The following ROCK2 variants were observed in gnomAD, a reference collection of about 807,000 sequenced individuals.
ROCK2 encodes the protein rho-associated protein kinase 2.
Under a neutral mutation model 195.1 loss-of-function variants are expected in ROCK2, and 61 were observed. The observed-to-expected ratio is 0.31, with a 90% CI of 0.25 to 0.39. The LOEUF (loss-of-function observed/expected upper bound fraction) is 0.39. ROCK2 is among the 10% of genes least tolerant of loss of function. The pLI is 1.00. For missense variants in ROCK2, 1,109 were observed against 1,637.4 expected, an observed-to-expected ratio of 0.68 and a Z score of 5.57; for synonymous variants, 504 against 545.5, an observed-to-expected ratio of 0.92 and a Z score of 1.06.
chr2:11,317,597 T>TAA (rs1668248563), intron 1 of ROCK2, among the ~76,000 whole-genome samples: 1 of 16,368 alleles, frequency 6.1e-5, no homozygotes, highest in Non-Finnish European at 1.3e-4. Context: ...TATATATATA[T>TAA]ATATATATAT....
At chr2:11,240,912 C>T (rs1450842646) in intron 4 of ROCK2, among the ~76,000 whole-genome samples, 1 of 152,090 alleles carries the variant, frequency 6.6e-6, no homozygotes, top group African/African-American at 2.4e-5. Flanking sequence ...AACACAGCCA[C>T]TAGAACAACA....
At chr2:11,271,352 T>G (rs1408881696) in intron 3 of ROCK2, among the ~76,000 whole-genome samples, 2 of 152,188 alleles carry the variant, frequency 1.3e-5, no homozygotes, top group Non-Finnish European at 2.9e-5. Context: ...CCTGCAAGTT[T>G]TTAATTGTCT....
chr2:11,265,448 A>G (rs1666380464), intron 3 of ROCK2, among the ~76,000 whole-genome samples: 1 of 152,168 alleles, frequency 6.6e-6, no homozygotes, highest in African/African-American at 2.4e-5. Context: ...TCATAACTCA[A>G]TAGCGAAAAG....
At chr2:11,194,769 C>T (rs1423314694) in intron 28 of ROCK2, among the ~76,000 whole-genome samples, 186 bp downstream of exon 28, 1 of 139,040 alleles carries the variant, frequency 7.2e-6, no homozygotes, top group Non-Finnish European at 1.6e-5. Context: ...TTATTATTAA[C>T]AAGGTATGAG....
At chr2:11,248,708 C>CAAAAAAAAAAAAAAAAAAAAAAAAAAA (rs70953372) in intron 4 of ROCK2, among the ~76,000 whole-genome samples, 9 of 45,416 alleles carry the variant, frequency 2.0e-4, no homozygotes, top group African/African-American at 9.5e-4. Context: ...GACTTCATCT[C>CAAAAAAAAAAAAAAAAAAAAAAAAAAA]AAAAAAAAAA....
chr2:11,190,244 T>C (rs1156360416), intron 32 of ROCK2, among the ~76,000 whole-genome samples: 1 of 152,166 alleles, frequency 6.6e-6, no homozygotes, highest in Non-Finnish European at 1.5e-5. Context: ...ATTTTGATAT[T>C]AGTTTTATTT....
chr2:11,192,288 A>G lies in ROCK2; in HGVS notation c.4023T>C (p.Val1341=). ...ANSTEEQQKW[V]SRLVKKIPKK... is the part of the protein sequence containing the mutation. ...TAGGTATCTTTTTCACCAACCGACT[A>G]ACCCACTTCTGCTGCTCTTCTGTAG... Residue 1341 remains valine, a synonymous_variant, in exon 32 of 33, where the codon GTT becomes GTC. Transcript: ENST00000315872. The surrounding 1 kb of genome is among the most constrained non-coding windows in gnomAD (Gnocchi z 5.0). 6.2e-7 allele frequency: 1 copy of G among 1,613,988 alleles called. No homozygotes were observed. The highest frequency in any genetic ancestry group is 8.5e-7 in the Non-Finnish European group (1 of 1,179,922).
chr2:11,243,129 C>A (rs1665487348), intron 4 of ROCK2, among the ~76,000 whole-genome samples: 1 of 152,096 alleles, frequency 6.6e-6, no homozygotes, highest in African/African-American at 2.4e-5. Flanking sequence ...CAAGGGAAGA[C>A]TGAGGAAATG....
chr2:11,289,828 T>C (rs1290112443), intron 1 of ROCK2, among the ~76,000 whole-genome samples: 1 of 152,222 alleles, frequency 6.6e-6, no homozygotes, highest in Admixed American at 6.5e-5. Flanking sequence ...TATTTTCCCA[T>C]AAGATTCCCC....
At chr2:11,247,593 A>G (rs1665662470) in intron 4 of ROCK2, among the ~76,000 whole-genome samples, 1 of 152,386 alleles carries the variant, frequency 6.6e-6, no homozygotes, top group East Asian at 1.9e-4. Flanking sequence ...AAAGGTTCAC[A>G]TAGCAGAATT....
At chr2:11,193,127 G>C (rs1275629130) in intron 30 of ROCK2, among the ~76,000 whole-genome samples, 3 of 152,150 alleles carry the variant, frequency 2.0e-5, no homozygotes, top group Non-Finnish European at 2.9e-5. Context: ...AGAAAACTGG[G>C]TAACAGCTAT....
At chr2:11,218,535 A>G in intron 10 of ROCK2, 69 bp from the exon 11 acceptor site, 1 of 1,122,768 alleles carries the variant, frequency 8.9e-7, no homozygotes, top group Non-Finnish European at 1.3e-6. Flanking sequence ...AAATTCCTAA[A>G]ACACAAACCA....
At chr2:11,208,263 A>AT in intron 19 of ROCK2, 24 bp downstream of exon 19, 2 of 1,266,192 alleles carry the variant, frequency 1.6e-6, no homozygotes, top group Non-Finnish European at 2.1e-6. Context: ...TTTATTATTA[A>AT]TCATTAGTAC....
At chr2:11,284,247 C>T (rs1457858238) in intron 3 of ROCK2, among the ~76,000 whole-genome samples, 1 of 151,976 alleles carries the variant, frequency 6.6e-6, no homozygotes, top group African/African-American at 2.4e-5. Flanking sequence ...AGACTTGGGG[C>T]TGGGAGATGA....
chr2:11,183,626 T>C (rs1489359524), intron 32 of ROCK2, among the ~76,000 whole-genome samples, 186 bp from the exon 33 acceptor site: 2 of 152,196 alleles, frequency 1.3e-5, no homozygotes, highest in Non-Finnish European at 2.9e-5. Flanking sequence ...CAACATGCAA[T>C]TATATTCTTT....
At chr2:11,262,635 T>A (rs1433718889) in intron 3 of ROCK2, among the ~76,000 whole-genome samples, 2 of 152,194 alleles carry the variant, frequency 1.3e-5, no homozygotes, top group Non-Finnish European at 2.9e-5. Context: ...CTGCCATCCA[T>A]GTAAGATGTG....
Position 11,336,783 on chromosome 2 carries a change from AACTCACACCAC to A in ROCK2, c.141+7202_141+7212del, listed in dbSNP as rs528880986. On this transcript the variant is annotated intron_variant, in intron 1 of 32. Coordinates refer to ENST00000315872, the MANE Select transcript of ROCK2 (RefSeq NM_004850.5). ...AGAAAAAAAATTAACTTCAACCCCT[AACTCACACCAC>A]ACATTAAATTTAGCTTAAAATGTAT... Among the ~76,000 whole-genome samples the A allele has an allele frequency of 2.0e-5, 3 of 152,360 alleles. No individual in the cohort carries two copies. In the South Asian group the frequency reaches 6.2e-4, roughly 32 times the overall value.
Position 11,224,322 on chromosome 2 carries a change from C to G in ROCK2, c.1007G>C (p.Arg336Thr). Reference protein sequence around the residue: ...KNLICAFLTDREVRLGRNGVE... With the variant: ...KNLICAFLTDTEVRLGRNGVE... ...TACAAAGAAATTCAATGTACATTACCTATCTGTTAAGAAAGCACAGATGAG... is the reference window on the plus strand; with the variant it reads ...TACAAAGAAATTCAATGTACATTACGTATCTGTTAAGAAAGCACAGATGAG... The change falls in exon 7 of 33, where the codon AGG becomes ACG. Residue 336 changes from arginine to threonine, a missense_variant and splice_region_variant. Arg to Thr is a moderately conservative substitution (Grantham distance 71). Around this residue, in one of 6 missense-constraint regions of ROCK2, gnomAD observed 253 missense variants for 455.5 expected, o/e 0.56. Transcript: ENST00000315872. 6.2e-7 allele frequency: 1 copy of G among 1,609,370 alleles called. No homozygotes were observed. The highest frequency in any genetic ancestry group is 8.5e-7 in the Non-Finnish European group (1 of 1,178,108).
intron 20 of ROCK2, among the ~76,000 whole-genome samples, chr2:11,202,775 C>T (rs1028601971): frequency 7.2e-5 from 11 of 152,096 alleles, no homozygotes; most frequent in African/African-American, 1.7e-4. Flanking sequence ...GGATTACAGG[C>T]GTGAGCCACT....
Sources: allele counts gnomAD v4.1 joint callset (sites outside exome capture counted in the v4.1 genomes callset), GRCh38; gene constraint gnomAD v4.1.1; regional missense constraint gnomAD v4.1.1; non-coding constraint Gnocchi (gnomAD v3.1); transcripts MANE v1.5; gene names NCBI Gene and HGNC (gene_info 2026-07-23, HGNC 2026-07-21).